Variants in GLIS3 observed in about 807,000 individuals in gnomAD.
GLIS3 encodes GLIS family zinc finger 3.
Under a neutral mutation model 78.6 loss-of-function variants are expected in GLIS3, and 53 were observed. The observed-to-expected ratio is 0.67, with a 90% CI of 0.54 to 0.85. The LOEUF (loss-of-function observed/expected upper bound fraction) is 0.85. GLIS3 is among the 40% of genes least tolerant of loss of function. The probability of loss-of-function intolerance (pLI) is 0.00; values close to 1 mark genes in which losing one functional copy is unlikely to be tolerated. For missense variants in GLIS3, 1,703 were observed against 1,231.1 expected (o/e 1.38, Z -5.74); for synonymous variants, 684 against 509.9 (o/e 1.34, Z -4.60).
intron 2 of GLIS3, among the ~76,000 whole-genome samples, chr9:4,280,658 G>A (rs1414804244): frequency 6.6e-6 from 1 of 152,110 alleles, no homozygotes; most frequent in Non-Finnish European, 1.5e-5. Context: ...GGAATAGCTG[G>A]GTAGGGCACC....
intron 2 of GLIS3, among the ~76,000 whole-genome samples, chr9:4,261,218 A>G (rs1325764637): frequency 1.3e-5 from 2 of 152,196 alleles, no homozygotes; most frequent in Admixed American, 1.3e-4. Context: ...AAAATATTGC[A>G]AAGCTCTGAT....
chr9:4,045,871 G>A (rs1333742340), intron 4 of GLIS3, among the ~76,000 whole-genome samples: 1 of 152,138 alleles, frequency 6.6e-6, no homozygotes, highest in Non-Finnish European at 1.5e-5. Context: ...TTGGAGGACT[G>A]GCAAATGTCA....
chr9:3,901,885 C>T (rs150922583), intron 6 of GLIS3, among the ~76,000 whole-genome samples: 21 of 152,260 alleles, frequency 1.4e-4, no homozygotes, highest in African/African-American at 4.8e-4. Context: ...AAAAAAAATT[C>T]AAGGCTTGGA....
chr9:4,180,342 G>C (rs772089861), intron 2 of GLIS3, among the ~76,000 whole-genome samples: 2 of 152,148 alleles, frequency 1.3e-5, no homozygotes, highest in African/African-American at 4.8e-5. Flanking sequence ...AGTCGCAAGA[G>C]GAAGTATACC....
intron 4 of GLIS3, among the ~76,000 whole-genome samples, chr9:4,080,739 A>C (rs189438513): frequency 1.3e-5 from 2 of 152,320 alleles, no homozygotes; most frequent in Admixed American, 1.3e-4. Flanking sequence ...TAATGTCAAC[A>C]AAAGAGAGAA....
At chr9:3,881,403 G>A (rs906274012) in intron 7 of GLIS3, among the ~76,000 whole-genome samples, 1 of 152,134 alleles carries the variant, frequency 6.6e-6, no homozygotes, top group Non-Finnish European at 1.5e-5. Context: ...TTCATCACAA[G>A]GGAAGCATTG....
chr9:4,402,787 A>T, the GLIS3 span, among the ~76,000 whole-genome samples: 1 of 152,174 alleles, frequency 6.6e-6, no homozygotes, highest in Non-Finnish European at 1.5e-5. Flanking sequence ...AGGGGAAAGA[A>T]AGATAAAAAA....
rs1360809339 is a variant in GLIS3, at chr9:3,837,116, T to C, written c.2474-7624A>G. 2.0e-5 allele frequency among the ~76,000 whole-genome samples: 3 copies of C among 152,182 alleles called. No individual in the cohort carries two copies. The South Asian group carries it at 6.2e-4, about 32-fold the overall frequency. ...CACCAAGTCTCATATGTCACATCCA[T>C]TGTAACCAAAGGCACTGACCTACGA... On this transcript the variant is annotated intron_variant, in intron 9 of 10. Transcript: ENST00000381971.
chr9:3,901,509 C>A lies in GLIS3; in HGVS notation c.1984-2674G>T, dbSNP rs140554401. 3.6e-4 allele frequency among the ~76,000 whole-genome samples: 55 copies of A among 152,282 alleles called. No homozygotes were observed. The East Asian group carries it at 6.8e-3, about 19-fold the overall frequency. The stretch of plus-strand genomic sequence containing the variant: ...CTGGTTGCTATACATTACCAGCACA[C>A]CACTGGCAATGACGATGACCAAATT... On this transcript the variant is annotated intron_variant, in intron 6 of 10. Transcript: ENST00000381971.
chr9:4,393,160 A>G, the GLIS3 span, among the ~76,000 whole-genome samples: 6 of 152,168 alleles, frequency 3.9e-5, no homozygotes, highest in Admixed American at 1.3e-4. Flanking sequence ...TCTTTTACAC[A>G]GGTTCACTGG....
rs149720467 is a variant in GLIS3 at position 4,291,679 on chromosome 9, C to G, written c.-98-5156G>C. ...AGGAATTTACTCCTCTTAGTCAATCCTCATTTAAAAATCAGAAGCAGCATT... is the reference window on the plus strand; with the variant it reads ...AGGAATTTACTCCTCTTAGTCAATCGTCATTTAAAAATCAGAAGCAGCATT... On this transcript the variant is annotated intron_variant, in intron 1 of 10. Coordinates refer to ENST00000381971, the MANE Select transcript of GLIS3 (RefSeq NM_001042413.2). Among the ~76,000 whole-genome samples, 238 of 152,110 alleles carry G rather than the reference C, an allele frequency of 1.6e-3. 1 individual carries two copies. The highest frequency in any genetic ancestry group is 5.5e-3 in the African/African-American group (228 of 41,528).
intron 7 of GLIS3, among the ~76,000 whole-genome samples, chr9:3,895,029 G>A (rs1588168950): frequency 6.6e-6 from 1 of 152,102 alleles, no homozygotes; most frequent in Non-Finnish European, 1.5e-5. Flanking sequence ...AATTTTTGTG[G>A]TCATTCATGG....
the GLIS3 span, among the ~76,000 whole-genome samples, chr9:4,467,666 C>T: frequency 2.6e-5 from 4 of 152,084 alleles, no homozygotes; most frequent in African/African-American, 9.7e-5. Flanking sequence ...TAGATAAAAC[C>T]ACAAAGATGG....
At position 4,294,590 on chromosome 9, in the gene GLIS3, A is replaced by C. The variant is rs1419863212; in HGVS notation, c.-99+4831T>G. Among the ~76,000 whole-genome samples the C allele has an allele frequency of 4.6e-5, 7 of 152,196 alleles. No individual in the cohort carries two copies. In the East Asian group the frequency reaches 1.3e-3, roughly 29 times the overall value. On this transcript the variant is annotated intron_variant, in intron 1 of 10. Coordinates refer to ENST00000381971, the MANE Select transcript of GLIS3 (RefSeq NM_001042413.2). ...CACTGTTCAGCACACAAAAGGACCC[A>C]ATAAATGTTATTTTACTCTACACAC...
chr9:4,389,976 G>C, the GLIS3 span, among the ~76,000 whole-genome samples: 2 of 152,206 alleles, frequency 1.3e-5, no homozygotes, highest in African/African-American at 2.4e-5. Context: ...GTGGAGAAGG[G>C]AATTATTCAC....
chr9:4,397,276 C>T, the GLIS3 span, among the ~76,000 whole-genome samples: 6 of 150,200 alleles, frequency 4.0e-5, no homozygotes, highest in Middle Eastern at 3.4e-3. Context: ...CCGCCCGCCT[C>T]GGCCTCCCAA....
At chr9:4,287,535 T>C (rs896065509) in intron 1 of GLIS3, among the ~76,000 whole-genome samples, 12 of 152,220 alleles carry the variant, frequency 7.9e-5, no homozygotes, top group African/African-American at 2.2e-4. Flanking sequence ...AAATGTATTA[T>C]AGACACTGTC....
the GLIS3 span, among the ~76,000 whole-genome samples, chr9:4,416,501 C>A: frequency 3.4e-4 from 51 of 151,902 alleles, no homozygotes; most frequent in South Asian, 2.1e-4. Context: ...CATTGCTTGC[C>A]TTCTTTTTGT....
At chr9:4,434,621 T>A in the GLIS3 span, among the ~76,000 whole-genome samples, 2 of 152,142 alleles carry the variant, frequency 1.3e-5, no homozygotes, top group African/African-American at 4.8e-5. Flanking sequence ...GATGGATACA[T>A]GGAGGTGAAG....
Sources: allele counts gnomAD v4.1 joint callset (sites outside exome capture counted in the v4.1 genomes callset), GRCh38; gene constraint gnomAD v4.1.1; transcripts MANE v1.5; gene names NCBI Gene and HGNC (gene_info 2026-07-23, HGNC 2026-07-21).